PLA2G12B: variants seen among roughly 807,000 people sequenced by gnomAD.
The protein encoded by PLA2G12B is group XIIB secretory phospholipase A2-like protein.
PLA2G12B carries 19 observed loss-of-function variants against 22.3 expected under a neutral mutation model. The observed-to-expected ratio is 0.85, with a 90% confidence interval of 0.60 to 1.25. The LOEUF is 1.25. Ranked by LOEUF, PLA2G12B falls within the 50% of genes most tolerant of loss-of-function variation. PLA2G12B has a pLI of 0.00. For missense variants in PLA2G12B, 191 were observed against 246.6 expected, an observed-to-expected ratio of 0.77 and a Z score of 1.51; for synonymous variants, 81 against 94.9, an observed-to-expected ratio of 0.85 and a Z score of 0.85.
intron 3 of PLA2G12B, among the ~76,000 whole-genome samples, chr10:72,940,191 A>G (rs574379143): frequency 1.3e-5 from 2 of 152,208 alleles, no homozygotes; most frequent in Admixed American, 6.5e-5. Context: ...GATCTATGAA[A>G]AGATCCAAAA....
chr10:72,937,261 G>A (rs1305230435), intron 3 of PLA2G12B, among the ~76,000 whole-genome samples: 3 of 152,118 alleles, frequency 2.0e-5, no homozygotes, highest in Non-Finnish European at 2.9e-5. Context: ...ATACCTACAT[G>A]CCAAAAAATG....
rs893027003 is a variant in PLA2G12B, at chr10:72,936,916, T to C, written c.467-1178A>G. On this transcript the variant is annotated intron_variant, in intron 3 of 3. Transcript: ENST00000373032. ...ACAATCTTATAGAAATAAAAAGGAT[T>C]AGGGCCGGGCACGGTGGCTTACGCC... 3.9e-4 allele frequency among the ~76,000 whole-genome samples: 59 copies of C among 152,130 alleles called. 2 individuals are homozygous for C. The highest frequency in any genetic ancestry group is 1.3e-4 in the Non-Finnish European group (9 of 68,022).
Position 72,935,742 on chromosome 10 carries a change from GA to G in PLA2G12B, c.467-5del. 6.2e-7 allele frequency: 1 copy of G among 1,612,986 alleles called. No homozygotes were observed. Among genetic ancestry groups the G allele is most frequent in the Non-Finnish European group, 8.5e-7 (1 of 1,179,592 alleles). ...TCAACCAGGGAATCACAGGCTGCTT[GA>G]AAAAGATGAAGAGGGACAGAAAGGT... On this transcript the variant is annotated splice_region_variant and splice_polypyrimidine_tract_variant and intron_variant, in intron 3 of 3. Transcript: ENST00000373032.
At chr10:72,946,204 A>G (rs11819516) in intron 1 of PLA2G12B, among the ~76,000 whole-genome samples, 1 of 152,190 alleles carries the variant, frequency 6.6e-6, no homozygotes, top group Non-Finnish European at 1.5e-5. Flanking sequence ...ATTAAATCAT[A>G]CAATATGTGG....
chr10:72,949,028 C>T lies in PLA2G12B; in HGVS notation c.211+5447G>A, dbSNP rs552875626. Among the ~76,000 whole-genome samples, 11 of 152,238 alleles carry T rather than the reference C, an allele frequency of 7.2e-5. No individual in the cohort carries two copies. The East Asian group carries it at 1.4e-3, about 19-fold the overall frequency. On this transcript the variant is annotated intron_variant, in intron 1 of 3. Transcript: ENST00000373032. ...TCCCAGGGCAAGAGTTTTGCCTTCC[C>T]GGGAGGGTGCGTCCATCCTCTCCAC...
chr10:72,941,132 C>A (rs2132965944), intron 3 of PLA2G12B, 37 bp downstream of exon 3: 1 of 1,582,118 alleles, frequency 6.3e-7, no homozygotes, highest in South Asian at 1.1e-5. Context: ...CAGGAACAAA[C>A]CTCCCTGTGC....
chr10:72,946,563 C>T (rs1047392286), intron 1 of PLA2G12B, among the ~76,000 whole-genome samples: 4 of 152,196 alleles, frequency 2.6e-5, no homozygotes, highest in African/African-American at 7.2e-5. Flanking sequence ...AGCAGCAATG[C>T]GTGAGGGTTC....
At chr10:72,944,015 C>T (rs538949693) in intron 1 of PLA2G12B, among the ~76,000 whole-genome samples, 1 of 149,980 alleles carries the variant, frequency 6.7e-6, no homozygotes, top group African/African-American at 2.5e-5. Flanking sequence ...TTTCTTCCTT[C>T]CTTCCTTTCT....
intron 1 of PLA2G12B, among the ~76,000 whole-genome samples, chr10:72,953,820 G>A (rs75577847): frequency 0.012 from 1,797 of 152,298 alleles, 39 homozygotes; most frequent in African/African-American, 0.041. Context: ...GGACAGCCCC[G>A]GGATCCCTGG....
At chr10:72,950,197 C>T (rs1343033774) in intron 1 of PLA2G12B, among the ~76,000 whole-genome samples, 2 of 152,132 alleles carry the variant, frequency 1.3e-5, no homozygotes, top group African/African-American at 2.4e-5. Flanking sequence ...GTACCCGTCC[C>T]GGTGTTAGTA....
intron 1 of PLA2G12B, among the ~76,000 whole-genome samples, chr10:72,953,700 G>A (rs1192315789): frequency 6.6e-6 from 1 of 152,054 alleles, no homozygotes; most frequent in Non-Finnish European, 1.5e-5. Context: ...GGGGCTCTGT[G>A]CCGGCAGCCA....
chr10:72,946,565 T>C (rs1370699869), intron 1 of PLA2G12B, among the ~76,000 whole-genome samples: 10 of 152,250 alleles, frequency 6.6e-5, no homozygotes, highest in South Asian at 6.2e-4. Context: ...CAGCAATGCG[T>C]GAGGGTTCCC....
intron 1 of PLA2G12B, among the ~76,000 whole-genome samples, chr10:72,946,018 C>T (rs1281155052): frequency 6.6e-6 from 1 of 152,138 alleles, no homozygotes; most frequent in Non-Finnish European, 1.5e-5. Flanking sequence ...ATTCATATAT[C>T]ATATACATTC....
chr10:72,947,330 T>G (rs2132976929), intron 1 of PLA2G12B, among the ~76,000 whole-genome samples: 1 of 152,270 alleles, frequency 6.6e-6, no homozygotes, highest in South Asian at 2.1e-4. Flanking sequence ...AGCCTCGATC[T>G]CCAGGCCCAA....
intron 1 of PLA2G12B, among the ~76,000 whole-genome samples, chr10:72,944,365 C>T (rs975682126): frequency 6.6e-6 from 1 of 152,096 alleles, no homozygotes; most frequent in Non-Finnish European, 1.5e-5. Context: ...TTTTAAAGCC[C>T]TCACTTCGTA....
At chr10:72,945,565 G>A (rs1174844944) in intron 1 of PLA2G12B, among the ~76,000 whole-genome samples, 3 of 152,106 alleles carry the variant, frequency 2.0e-5, no homozygotes, top group Admixed American at 6.5e-5. Context: ...CAGCAAGTGT[G>A]TGATATAATC....
intron 3 of PLA2G12B, 94 bp from the exon 4 acceptor site, chr10:72,935,832 C>T: frequency 2.1e-6 from 3 of 1,425,984 alleles, no homozygotes; most frequent in Non-Finnish European, 2.9e-6. Flanking sequence ...AAAGTAGAGA[C>T]AGTAATCCAA....
intron 1 of PLA2G12B, among the ~76,000 whole-genome samples, chr10:72,950,328 T>C (rs1027597264): frequency 3.3e-5 from 5 of 152,220 alleles, no homozygotes; most frequent in Admixed American, 6.5e-5. Context: ...TGTTTTCTTT[T>C]TTTGGGCTCT....
At chr10:72,942,576 C>A in intron 2 of PLA2G12B, 76 bp downstream of exon 2, 1 of 1,197,174 alleles carries the variant, frequency 8.4e-7, no homozygotes, top group Non-Finnish European at 1.1e-6. Flanking sequence ...GAAATAATCA[C>A]TTCCATCAAG....
Sources: gnomAD v4.1 joint callset for allele counts (sites outside exome capture counted in the v4.1 genomes callset) on GRCh38, gnomAD v4.1.1 for gene constraint, MANE v1.5 for transcripts, NCBI Gene and HGNC (gene_info 2026-07-23, HGNC 2026-07-21) for gene names.